CTNNA2: variants seen among roughly 807,000 people sequenced by gnomAD.
CTNNA2 encodes the protein catenin alpha-2.
CTNNA2 carries 42 observed loss-of-function variants against 101.0 expected under a neutral mutation model. That is an observed-to-expected ratio of 0.42 (90% CI 0.32 to 0.54). The LOEUF (loss-of-function observed/expected upper bound fraction) is 0.54, where lower values mean the gene tolerates loss of function less well. Ranked by LOEUF, CTNNA2 falls within the 20% of genes least tolerant of loss-of-function variation. The pLI is 0.14. For missense variants in CTNNA2, 871 were observed against 1,223.1 expected (o/e 0.71, Z 4.29); for synonymous variants, 450 against 456.4 (o/e 0.99, Z 0.18).
At chr2:80,405,508 A>G (rs1438584640) in intron 8 of CTNNA2, among the ~76,000 whole-genome samples, 2 of 152,206 alleles carry the variant, frequency 1.3e-5, no homozygotes, top group Admixed American at 6.5e-5. Flanking sequence ...TTTCTCTATA[A>G]TAATTATAAT....
intron 3 of CTNNA2, among the ~76,000 whole-genome samples, chr2:79,350,942 A>G (rs1411752769): frequency 6.6e-6 from 1 of 152,114 alleles, no homozygotes; most frequent in East Asian, 1.9e-4. Flanking sequence ...TCTTCTTTTG[A>G]GAAATGTCAG....
intron 7 of CTNNA2, among the ~76,000 whole-genome samples, chr2:80,049,448 T>C (rs1165586659): frequency 2.6e-5 from 4 of 152,180 alleles, no homozygotes; most frequent in Non-Finnish European, 5.9e-5. Context: ...TTATCATACA[T>C]TTTGATAGAA....
chr2:80,415,531 A>G (rs550363228), intron 8 of CTNNA2, among the ~76,000 whole-genome samples: 10 of 152,278 alleles, frequency 6.6e-5, no homozygotes, highest in Admixed American at 5.2e-4. Context: ...GCAAGTATGC[A>G]TATGTTTTCA....
rs529260091 is a variant in CTNNA2, at chr2:80,419,036, G to A, written c.1138-413G>A. Among the ~76,000 whole-genome samples, 4 of 152,190 alleles carry A rather than the reference G, an allele frequency of 2.6e-5. No individual in the cohort carries two copies. In the East Asian group the frequency reaches 5.8e-4, roughly 22 times the overall value. On this transcript the variant is annotated intron_variant, in intron 8 of 18. Transcript: ENST00000402739. Reference sequence around the variant, plus strand: ...AGACTGCACAGTGGCCAAGTTTCACGGTTGGCTTCAAAGTTTAGATCTTTA... The same window carrying A: ...AGACTGCACAGTGGCCAAGTTTCACAGTTGGCTTCAAAGTTTAGATCTTTA...
chr2:79,762,757 A>C (rs1249362681), intron 3 of CTNNA2, among the ~76,000 whole-genome samples: 1 of 152,216 alleles, frequency 6.6e-6, no homozygotes, highest in Non-Finnish European at 1.5e-5. Flanking sequence ...TCATCTTTCA[A>C]GAAGAATATA....
intron 1 of CTNNA2, among the ~76,000 whole-genome samples, chr2:79,534,356 A>G (rs994063533): frequency 6.6e-6 from 1 of 152,140 alleles, no homozygotes; most frequent in South Asian, 2.1e-4. Context: ...GGATCCTAAG[A>G]GTATAGATAC....
At chr2:80,645,944 A>T (rs536795022) in intron 18 of CTNNA2, among the ~76,000 whole-genome samples, 1 of 152,116 alleles carries the variant, frequency 6.6e-6, no homozygotes, top group South Asian at 2.1e-4. Context: ...TTTTCTGGTG[A>T]TGGAAAAATT....
intron 7 of CTNNA2, among the ~76,000 whole-genome samples, chr2:79,966,759 C>G (rs549866354): frequency 6.6e-6 from 1 of 152,168 alleles, no homozygotes; most frequent in African/African-American, 2.4e-5. Context: ...GTATCTTTTA[C>G]GACTTTTAGC....
At chr2:80,548,882 A>G (rs760822714) in intron 11 of CTNNA2, among the ~76,000 whole-genome samples, 3 of 152,182 alleles carry the variant, frequency 2.0e-5, no homozygotes, top group Non-Finnish European at 4.4e-5. Context: ...AAGTGGCATT[A>G]ATGATATTTT....
chr2:79,817,481 G>C (rs1260296377), intron 3 of CTNNA2, among the ~76,000 whole-genome samples: 1 of 151,832 alleles, frequency 6.6e-6, no homozygotes, highest in Admixed American at 6.6e-5. Context: ...AGCATTCCTA[G>C]AGGGCTGCAC....
chr2:80,530,195 G>C (rs142948780), intron 9 of CTNNA2, among the ~76,000 whole-genome samples: 45 of 152,286 alleles, frequency 3.0e-4, no homozygotes, highest in African/African-American at 1.0e-3. Context: ...TTCTGAGAGG[G>C]CGTGAAATAA....
intron 1 of CTNNA2, among the ~76,000 whole-genome samples, chr2:79,557,345 A>C (rs1420403695): frequency 6.6e-6 from 1 of 152,062 alleles, no homozygotes; most frequent in East Asian, 1.9e-4. Context: ...AATTGGAAAC[A>C]GAATGTGATG....
At chr2:79,847,965 C>T (rs1319908250) in intron 3 of CTNNA2, among the ~76,000 whole-genome samples, 2 of 152,156 alleles carry the variant, frequency 1.3e-5, no homozygotes, top group African/African-American at 4.8e-5. Context: ...CTACCAAGTA[C>T]TGTAGCAGGG....
At chr2:79,746,000 C>T (rs1252815172) in intron 3 of CTNNA2, among the ~76,000 whole-genome samples, 1 of 152,124 alleles carries the variant, frequency 6.6e-6, no homozygotes, top group African/African-American at 2.4e-5. Flanking sequence ...AGTGGCTGCA[C>T]CATTTCCATA....
At position 80,533,635 on chromosome 2, in the gene CTNNA2, G is replaced by A. The variant is rs536529651; in HGVS notation, c.1291-11347G>A. On this transcript the variant is annotated intron_variant, in intron 9 of 18. Coordinates refer to ENST00000402739, the MANE Select transcript of CTNNA2 (RefSeq NM_001282597.3). ...CAGCCCTCCTGCATTGCCAGAGATG[G>A]ATCCTGGAGTTTTCATCCTGCTAAT... 6.3e-4 allele frequency among the ~76,000 whole-genome samples: 96 copies of A among 152,282 alleles called. 2 individuals carry two copies. Among genetic ancestry groups the A allele is most frequent in the Non-Finnish European group, 9.0e-4 (61 of 68,020 alleles).
chr2:80,476,695 C>T (rs1050323838), intron 9 of CTNNA2, among the ~76,000 whole-genome samples: 1 of 152,136 alleles, frequency 6.6e-6, no homozygotes, highest in Admixed American at 6.6e-5. Context: ...CACCACAATG[C>T]TCCTCCCCTC....
intron 3 of CTNNA2, among the ~76,000 whole-genome samples, chr2:79,819,830 T>A (rs187870615): frequency 2.6e-3 from 400 of 152,274 alleles, no homozygotes; most frequent in South Asian, 9.9e-3. Flanking sequence ...AAGGAAATGA[T>A]ACCACAATTA....
chr2:80,055,477 A>G (rs1163121696), intron 7 of CTNNA2, among the ~76,000 whole-genome samples: 13 of 152,182 alleles, frequency 8.5e-5, no homozygotes, highest in Non-Finnish European at 1.3e-4. Context: ...CCGAATCTTG[A>G]CTGAAACCAC....
At chr2:79,797,202 T>G (rs1210379750) in intron 3 of CTNNA2, among the ~76,000 whole-genome samples, 1 of 152,186 alleles carries the variant, frequency 6.6e-6, no homozygotes, top group Non-Finnish European at 1.5e-5. Flanking sequence ...AGAAAGTACC[T>G]ATGTAGACAT....
Sources: gnomAD v4.1 joint callset for allele counts (sites outside exome capture counted in the v4.1 genomes callset) on GRCh38, gnomAD v4.1.1 for gene constraint, MANE v1.5 for transcripts, NCBI Gene and HGNC (gene_info 2026-07-23, HGNC 2026-07-21) for gene names.